PABPC1: variants seen among roughly 807,000 people sequenced by gnomAD.
PABPC1 encodes the protein poly(A) binding protein cytoplasmic 1.
In PABPC1, 4 loss-of-function variants were observed where a neutral mutation model predicts 74.0. The ratio of observed to expected loss-of-function variants is 0.05; its 90% CI spans 0.03 to 0.12. PABPC1 has a LOEUF of 0.12. Ranked by LOEUF, PABPC1 falls within the 10% of genes least tolerant of loss-of-function variation. The pLI, the probability that PABPC1 is intolerant of heterozygous loss-of-function variation, is 1.00. For missense variants in PABPC1, 271 were observed against 821.1 expected (o/e 0.33, Z 8.19); for synonymous variants, 227 against 264.1 (o/e 0.86, Z 1.36).
intron 9 of PABPC1, among the ~76,000 whole-genome samples, chr8:100,708,592 T>C (rs149032611): frequency 2.7e-3 from 409 of 152,282 alleles, no homozygotes; most frequent in African/African-American, 9.3e-3. Context: ...AAATATGAAA[T>C]TGGCTGGGTG....
At position 100,712,497 on chromosome 8, in the gene PABPC1, T is replaced by C. The variant is rs752323852; in HGVS notation, c.877-40A>G. 6.7e-6 allele frequency: 10 copies of C among 1,492,662 alleles called. No homozygotes were observed. In the African/African-American group the frequency reaches 1.1e-4, roughly 17 times the overall value. 92.5% of individuals were successfully genotyped at this position (1,492,662 alleles called of 1,614,324 possible). On this transcript the variant is annotated intron_variant, in intron 6 of 14. Coordinates refer to ENST00000318607, the MANE Select transcript of PABPC1 (RefSeq NM_002568.4). ...AGAAAACTATAGAAAAAGAAAACCA[T>C]GGTGGTACCTAAGTACATCGGGTCT...
intron 3 of PABPC1, among the ~76,000 whole-genome samples, chr8:100,716,152 C>G (rs1810663589): frequency 6.6e-6 from 1 of 152,160 alleles, no homozygotes; most frequent in African/African-American, 2.4e-5. Context: ...ACCTGTAATC[C>G]CAGCACTTTG....
chr8:100,721,327 G>C lies in PABPC1; in HGVS notation c.193+64C>G. 3.6e-6 allele frequency: 2 copies of C among 554,962 alleles called. No individual in the cohort carries two copies. Among genetic ancestry groups the C allele is most frequent in the Non-Finnish European group, 4.8e-6 (2 of 415,782 alleles). 34.4% of individuals were successfully genotyped at this position (554,962 alleles called of 1,614,324 possible). On this transcript the variant is annotated intron_variant, in intron 1 of 14. Coordinates refer to ENST00000318607, the MANE Select transcript of PABPC1 (RefSeq NM_002568.4). The surrounding 1 kb of genome is among the most constrained non-coding windows in gnomAD (Gnocchi z 7.4). The stretch of plus-strand genomic sequence containing the variant: ...CCGGGCCCGCCGGCCTACCCCGCCC[G>C]CCGCCGCCGCCCGAGCCTCATGGCC...
chr8:100,705,943 A>T (rs1427007992), intron 11 of PABPC1, among the ~76,000 whole-genome samples: 1 of 152,138 alleles, frequency 6.6e-6, no homozygotes, highest in East Asian at 1.9e-4. Context: ...CCGCCTCCGG[A>T]TTCAAGCAAC....
Position 100,706,820 on chromosome 8 carries a change from C to T in PABPC1, c.1448-15G>A, listed in dbSNP as rs953908442. The T allele has an allele frequency of 4.4e-6, 5 of 1,142,728 alleles. No individual in the cohort carries two copies. The highest frequency in any genetic ancestry group is 3.1e-5 in the Admixed American group (1 of 31,948). The allele number at this position is 1,142,728 out of a possible 1,614,324, so 70.8% of individuals were successfully genotyped here. ...TGATGTGTTAGCTAAAAAATAAGAA[C>T]ATTTTGTATTTTTATCTTGCTCTTT... is the stretch of plus-strand genomic sequence containing the variant. On this transcript the variant is annotated splice_polypyrimidine_tract_variant and intron_variant, in intron 10 of 14. Coordinates refer to ENST00000318607, the MANE Select transcript of PABPC1 (RefSeq NM_002568.4).
Position 100,706,947 on chromosome 8 carries a change from ATGG to A in PABPC1, c.1384_1386del (p.Pro462del). The A allele has an allele frequency of 6.2e-7, 1 of 1,614,152 alleles. No homozygotes were observed. The highest frequency in any genetic ancestry group is 1.1e-5 in the South Asian group (1 of 91,086). On this transcript the variant is annotated inframe_deletion, in exon 10 of 15. Coordinates refer to ENST00000318607, the MANE Select transcript of PABPC1 (RefSeq NM_002568.4). ...GAAGAAGCTGGTCTCATAGTACTAA[ATGG>A]TGGTCTAGGAGCAGCTGGGCGGATA... is the stretch of plus-strand genomic sequence containing the variant.
chr8:100,716,429 GA>G (rs1168050109), intron 3 of PABPC1, among the ~76,000 whole-genome samples: 3 of 151,674 alleles, frequency 2.0e-5, no homozygotes, highest in African/African-American at 7.3e-5. Context: ...GATCACTGAA[GA>G]AAAAAAGGTA....
At position 100,721,610 on chromosome 8, in the gene PABPC1, A is replaced by T; in HGVS notation, c.-27T>A. ...TCGGCACGGCTGCCCGCAGGGCCAC[A>T]GGCCGCGACCTTTCCGTGAGAGGAG... is the stretch of plus-strand genomic sequence containing the variant. On this transcript the variant is annotated 5_prime_UTR_variant, in exon 1 of 15. Transcript: ENST00000318607. This position sits in a 1 kb window ranked among gnomAD's most constrained non-coding sequence, Gnocchi z 7.4. 7.5e-7 allele frequency: 1 copy of T among 1,339,262 alleles called. No homozygotes were observed. The highest frequency in any genetic ancestry group is 9.9e-7 in the Non-Finnish European group (1 of 1,010,474). 83.0% of individuals were successfully genotyped at this position (1,339,262 alleles called of 1,614,324 possible).
chr8:100,712,603 T>C (rs780761660), intron 6 of PABPC1, 49 bp downstream of exon 6: 5 of 1,576,348 alleles, frequency 3.2e-6, no homozygotes, highest in Admixed American at 1.9e-5. Flanking sequence ...CAACGTAAAA[T>C]AGGTTTCCTC....
In PABPC1 at chr8:100,709,734, A is replaced by G; in HGVS notation, c.973-3T>C. 7.3e-7 allele frequency: 1 copy of G among 1,364,760 alleles called. No individual in the cohort carries two copies. Among genetic ancestry groups the G allele is most frequent in the Non-Finnish European group, 9.8e-7 (1 of 1,025,134 alleles). The allele number at this position is 1,364,760 out of a possible 1,614,324, so 84.5% of individuals were successfully genotyped here. On this transcript the variant is annotated splice_region_variant and splice_polypyrimidine_tract_variant and intron_variant, in intron 7 of 14. Transcript: ENST00000318607. ...CTGCGACCACCCTCCATCATAACCT[A>G]TTAAAAAAAAGAAAAAAAAAGTTAA...
intron 12 of PABPC1, 55 bp downstream of exon 12, chr8:100,705,534 G>T: frequency 9.3e-7 from 1 of 1,078,074 alleles, no homozygotes; most frequent in Non-Finnish European, 1.4e-6. Context: ...GTGCCTAAGT[G>T]ATTCCTATAT....
intron 3 of PABPC1, among the ~76,000 whole-genome samples, chr8:100,717,051 C>G (rs535713521): frequency 6.6e-6 from 1 of 152,218 alleles, no homozygotes; most frequent in South Asian, 2.1e-4. Context: ...AATCTTGTCG[C>G]CCAGACTGGA....
chr8:100,708,880 A>AAAATAAAT (rs60749457), intron 9 of PABPC1, among the ~76,000 whole-genome samples: 3,992 of 145,346 alleles, frequency 0.027, 85 homozygotes, highest in Non-Finnish European at 0.038. Context: ...CTCTGTCTCG[A>AAAATAAAT]AAATAAATAA....
In PABPC1 at chr8:100,709,870, T is replaced by G. The variant is rs1049734318; in HGVS notation, c.973-139A>C. ...TGCTTAATCATCTTGTATTTACCCA[T>G]TGAGTTCACAATTTTTCCTTAATAC... On this transcript the variant is annotated intron_variant, in intron 7 of 14. Transcript: ENST00000318607. 3 of 977,316 alleles carry G rather than the reference T, an allele frequency of 3.1e-6. No homozygotes were observed. The Admixed American group carries it at 8.7e-5, about 28-fold the overall frequency. The allele number at this position is 977,316 out of a possible 1,614,324, so 60.5% of individuals were successfully genotyped here.
At chr8:100,716,932 T>G (rs1024191380) in intron 3 of PABPC1, among the ~76,000 whole-genome samples, 1 of 152,210 alleles carries the variant, frequency 6.6e-6, no homozygotes, top group East Asian at 1.9e-4. Flanking sequence ...AACAGCAACA[T>G]ATCATTCTTT....
At position 100,705,581 on chromosome 8, in the gene PABPC1, G is replaced by A. The variant is rs1469031824; in HGVS notation, c.1687+8C>T. On this transcript the variant is annotated splice_region_variant and intron_variant, in intron 12 of 14. Coordinates refer to ENST00000318607, the MANE Select transcript of PABPC1 (RefSeq NM_002568.4). Reference sequence around the variant, plus strand: ...TCTGAACTGACAAGGTGGGACAGAAGTACTCACCCAACATTTGCTTTTGCT... The same window carrying A: ...TCTGAACTGACAAGGTGGGACAGAAATACTCACCCAACATTTGCTTTTGCT... 2 of 1,279,410 alleles carry A rather than the reference G, an allele frequency of 1.6e-6. No homozygotes were observed. Among genetic ancestry groups the A allele is most frequent in the African/African-American group, 1.5e-5 (1 of 66,696 alleles). 79.3% of individuals were successfully genotyped at this position (1,279,410 alleles called of 1,614,324 possible).
chr8:100,709,244 T>G lies in PABPC1; in HGVS notation c.1246-21A>C, dbSNP rs768866535. 7 of 1,599,518 alleles carry G rather than the reference T, an allele frequency of 4.4e-6. No homozygotes were observed. The South Asian group carries it at 7.8e-5, about 18-fold the overall frequency. ...TGAGTCTGCAGGGAAAAAAAGCACA[T>G]GAGTTTATCAGTTGAAGAAAAAAGC... On this transcript the variant is annotated intron_variant, in intron 8 of 14. Transcript: ENST00000318607.
At chr8:100,712,494 C>T (rs1810553732) in intron 6 of PABPC1, 37 bp from the exon 7 acceptor site, 22 of 1,504,298 alleles carry the variant, frequency 1.5e-5, no homozygotes, top group Non-Finnish European at 1.9e-5. Context: ...AAAAAGAAAA[C>T]CATGGTGGTA....
chr8:100,709,455 C>T lies in PABPC1; in HGVS notation c.1245+4G>A. ...CATGGTTCTGGTTGCCTTCTAAAAC[C>T]TACCTGTGGGATAGCTGCCATGAAG... On this transcript the variant is annotated splice_donor_region_variant and intron_variant, in intron 8 of 14. Transcript: ENST00000318607. 1 of 1,372,328 alleles carries T rather than the reference C, an allele frequency of 7.3e-7. No individual in the cohort carries two copies. Among genetic ancestry groups the T allele is most frequent in the East Asian group, 2.8e-5 (1 of 35,772 alleles). The allele number at this position is 1,372,328 out of a possible 1,614,324, so 85.0% of individuals were successfully genotyped here. A position where few individuals can be genotyped will look rare whatever the true frequency, so the allele number is the denominator to read the frequency against.
Sources: gnomAD v4.1 joint callset for allele counts (sites outside exome capture counted in the v4.1 genomes callset) on GRCh38, gnomAD v4.1.1 for gene constraint, Gnocchi (gnomAD v3.1) non-coding constraint, MANE v1.5 for transcripts, NCBI Gene and HGNC (gene_info 2026-07-23, HGNC 2026-07-21) for gene names.